UIMC1: variants seen among roughly 807,000 people sequenced by gnomAD.
UIMC1 encodes ubiquitin interaction motif containing 1, also known as BRCA1-A complex subunit RAP80.
In UIMC1, 42 loss-of-function variants were observed where a neutral mutation model predicts 84.9. That is an observed-to-expected ratio of 0.49 (90% CI 0.39 to 0.64). The LOEUF (loss-of-function observed/expected upper bound fraction) is 0.64, where lower values mean the gene tolerates loss of function less well. UIMC1 is among the 30% of genes least tolerant of loss of function. The pLI, the probability that UIMC1 is intolerant of heterozygous loss-of-function variation, is 0.00. For missense variants in UIMC1, 825 were observed against 847.6 expected (o/e 0.97, Z 0.33); for synonymous variants, 281 against 293.0 (o/e 0.96, Z 0.42).
chr5:176,948,973 TCTAA>T (rs1331648627), intron 9 of UIMC1, among the ~76,000 whole-genome samples: 1 of 150,660 alleles, frequency 6.6e-6, no homozygotes, highest in Admixed American at 6.7e-5. Flanking sequence ...CTACAGTATA[TCTAA>T]CTTCTTTTAA....
At chr5:177,005,164 C>G (rs1212814177) in intron 1 of UIMC1, among the ~76,000 whole-genome samples, 1 of 152,112 alleles carries the variant, frequency 6.6e-6, no homozygotes, top group Non-Finnish European at 1.5e-5. Flanking sequence ...GCCTCCACTT[C>G]CTGGGCTCAC....
At chr5:176,958,681 A>C (rs1766922277) in intron 6 of UIMC1, among the ~76,000 whole-genome samples, 1 of 152,252 alleles carries the variant, frequency 6.6e-6, no homozygotes, top group African/African-American at 2.4e-5. Context: ...TCTAAAGGGA[A>C]GGTTACAAAG....
intron 10 of UIMC1, among the ~76,000 whole-genome samples, chr5:176,924,882 T>C (rs1762185226): frequency 6.6e-6 from 1 of 151,500 alleles, no homozygotes; most frequent in East Asian, 1.9e-4. Flanking sequence ...CTACTAAAAA[T>C]ACGAAAATTA....
chr5:176,935,226 A>G (rs1367039304), intron 10 of UIMC1, among the ~76,000 whole-genome samples: 2 of 152,166 alleles, frequency 1.3e-5, no homozygotes, highest in East Asian at 3.9e-4. Context: ...ATTTCCTTTC[A>G]TAATGCCCAC....
intron 1 of UIMC1, among the ~76,000 whole-genome samples, chr5:176,984,085 G>A (rs1358363950): frequency 4.1e-5 from 5 of 122,014 alleles, no homozygotes; most frequent in African/African-American, 1.6e-4. Context: ...CCCCGTCTGG[G>A]AAGTGAGGAG....
rs1759325556 is a variant in UIMC1, at chr5:176,906,067, A to G, written c.1913-20T>C. On this transcript the variant is annotated intron_variant, in intron 13 of 14. Transcript: ENST00000511320. ...CTGCATCTGTGATATAAAAGAAAAA[A>G]TAATAATGTTGGTAGTAGTGTTGGT... The G allele has an allele frequency of 2.5e-6, 4 of 1,612,230 alleles. No individual in the cohort carries two copies. Among genetic ancestry groups the G allele is most frequent in the Non-Finnish European group, 3.4e-6 (4 of 1,179,154 alleles).
At chr5:176,951,433 G>A (rs747299163) in intron 9 of UIMC1, 41 bp downstream of exon 9, 3 of 1,437,602 alleles carry the variant, frequency 2.1e-6, no homozygotes, top group Admixed American at 2.5e-5. Context: ...ACTGCCAACG[G>A]AAAGAAACCA....
chr5:176,954,747 CAA>C (rs79682515), intron 8 of UIMC1, among the ~76,000 whole-genome samples: 23 of 63,952 alleles, frequency 3.6e-4, no homozygotes, highest in Non-Finnish European at 4.2e-4. Context: ...AACTCTGTCT[CAA>C]AAAAAAAAAA....
intron 1 of UIMC1, among the ~76,000 whole-genome samples, chr5:176,983,105 G>T (rs570643180): frequency 6.6e-6 from 1 of 151,228 alleles, no homozygotes; most frequent in Admixed American, 6.6e-5. Flanking sequence ...AAGTGTTGGG[G>T]TTACAGGAGT....
chr5:177,005,907 C>T (rs1775188075), intron 1 of UIMC1, among the ~76,000 whole-genome samples: 1 of 152,130 alleles, frequency 6.6e-6, no homozygotes, highest in Admixed American at 6.5e-5. Flanking sequence ...CCGGCTGTGG[C>T]GCTCGAGAAG....
intron 10 of UIMC1, among the ~76,000 whole-genome samples, chr5:176,927,348 G>C (rs1762509292): frequency 6.6e-6 from 1 of 151,952 alleles, no homozygotes; most frequent in Non-Finnish European, 1.5e-5. Flanking sequence ...CCACCTCCTG[G>C]GTTCAAGCGA....
chr5:176,989,331 A>G (rs931884513), intron 1 of UIMC1, among the ~76,000 whole-genome samples: 2 of 152,190 alleles, frequency 1.3e-5, no homozygotes, highest in African/African-American at 4.8e-5. Context: ...CATTTAATGC[A>G]TATTTTTAAT....
rs58885262 is a variant in UIMC1, at chr5:176,976,833, G to A, written c.148-1353C>T. 2.5e-3 allele frequency among the ~76,000 whole-genome samples: 379 copies of A among 152,370 alleles called. 1 individual carries two copies. Among genetic ancestry groups the A allele is most frequent in the African/African-American group, 8.7e-3 (363 of 41,588 alleles). ...GGTTTTTTCTGGGAGTAATGAAAAT[G>A]TTCTAGGCCCCTGCTACTGGGCCGT... On this transcript the variant is annotated intron_variant, in intron 2 of 14. Transcript: ENST00000511320.
rs775438654 is a variant in UIMC1 at position 176,968,788 on chromosome 5, G to T, written c.967C>A (p.Pro323Thr). Reference protein sequence around the residue: ...QLLNKKGFGEPVLPRPPSLIQ... With the variant: ...QLLNKKGFGETVLPRPPSLIQ... Reference sequence around the variant, plus strand: ...AGAGAAGGAGGTCTAGGTAACACTGGTTCCCCAAAACCTTTTTTATTAAGG... The same window carrying T: ...AGAGAAGGAGGTCTAGGTAACACTGTTTCCCCAAAACCTTTTTTATTAAGG... Residue 323 changes from proline (P) to threonine (T), a missense_variant, in exon 6 of 15, where the codon CCA (proline) becomes ACA (threonine). Physicochemically the swap from Pro to Thr is conservative, Grantham distance 38. Coordinates refer to ENST00000511320, the MANE Select transcript of UIMC1 (RefSeq NM_001199298.2). 90 of 1,613,978 alleles carry T rather than the reference G, an allele frequency of 5.6e-5. No homozygotes were observed. In the South Asian group the frequency reaches 8.8e-4, roughly 16 times the overall value.
chr5:177,022,048 C>A (rs1365409959), intron 1 of UIMC1, among the ~76,000 whole-genome samples: 1 of 152,192 alleles, frequency 6.6e-6, no homozygotes. Flanking sequence ...ATTCCTGGAA[C>A]TGCTGTGCTG....
At chr5:176,910,198 A>G (rs542880869) in intron 11 of UIMC1, among the ~76,000 whole-genome samples, 2 of 152,372 alleles carry the variant, frequency 1.3e-5, no homozygotes, top group East Asian at 3.9e-4. Context: ...ACATTACAGT[A>G]AGATTCCAAA....
intron 10 of UIMC1, among the ~76,000 whole-genome samples, chr5:176,922,112 T>G (rs1761781459): frequency 6.6e-6 from 1 of 152,186 alleles, no homozygotes; most frequent in African/African-American, 2.4e-5. Context: ...AGCCCCCTTT[T>G]TCCTCTGTTC....
chr5:176,932,142 C>T (rs1328353705), intron 10 of UIMC1, among the ~76,000 whole-genome samples: 1 of 152,152 alleles, frequency 6.6e-6, no homozygotes, highest in Non-Finnish European at 1.5e-5. Flanking sequence ...GTATGTACGT[C>T]AGTACTGTGG....
intron 10 of UIMC1, among the ~76,000 whole-genome samples, chr5:176,925,212 A>C (rs530685397): frequency 6.6e-6 from 1 of 152,226 alleles, no homozygotes; most frequent in Non-Finnish European, 1.5e-5. Context: ...CACTTTACAG[A>C]AGATACAAAA....
Sources: allele counts gnomAD v4.1 joint callset (sites outside exome capture counted in the v4.1 genomes callset), GRCh38; gene constraint gnomAD v4.1.1; transcripts MANE v1.5; gene names NCBI Gene and HGNC (gene_info 2026-07-23, HGNC 2026-07-21).